The following INPP4B variants were observed in gnomAD, a reference collection of about 807,000 sequenced individuals.
INPP4B encodes the protein inositol polyphosphate 4-phosphatase type II.
In INPP4B, 55 loss-of-function variants were observed where a neutral mutation model predicts 122.5. The ratio of observed to expected loss-of-function variants is 0.45; its 90% CI spans 0.36 to 0.56. INPP4B has a LOEUF of 0.56. Among genes scored for constraint, INPP4B ranks in the 20% least tolerant of loss-of-function variants. The probability of loss-of-function intolerance (pLI) is 0.00; values close to 1 mark genes in which losing one functional copy is unlikely to be tolerated. For missense variants in INPP4B, 1,000 were observed against 1,097.7 expected (o/e 0.91, Z 1.26); for synonymous variants, 403 against 388.7 (o/e 1.04, Z -0.43).
At chr4:142,427,435 A>G in intron 5 of INPP4B, 1 of 649,414 alleles carries the variant, frequency 1.5e-6, no homozygotes, top group Non-Finnish European at 2.8e-6. Flanking sequence ...ATTATTATGA[A>G]TAAATTCTTG....
chr4:142,788,461 T>G (rs1319970882), intron 1 of INPP4B, among the ~76,000 whole-genome samples: 4 of 152,052 alleles, frequency 2.6e-5, no homozygotes, highest in African/African-American at 9.7e-5. Flanking sequence ...CTAGAAACGT[T>G]TTTATTGAAA....
At chr4:142,765,621 G>T (rs1771998760) in intron 1 of INPP4B, among the ~76,000 whole-genome samples, 1 of 152,106 alleles carries the variant, frequency 6.6e-6, no homozygotes, top group Non-Finnish European at 1.5e-5. Context: ...AACTGACTTT[G>T]GATAGATCCA....
intron 12 of INPP4B, among the ~76,000 whole-genome samples, chr4:142,217,347 C>T (rs1032984734): frequency 2.6e-5 from 4 of 152,120 alleles, no homozygotes; most frequent in Admixed American, 6.6e-5. Flanking sequence ...TTTGTCCAAC[C>T]GCAGTCTCCT....
intron 2 of INPP4B, among the ~76,000 whole-genome samples, chr4:142,498,130 CATATATGTATACAT>C (rs1560725405): frequency 6.7e-6 from 1 of 149,486 alleles, no homozygotes; most frequent in East Asian, 2.0e-4. Flanking sequence ...TACACACACA[CATATATGTATACAT>C]ACATATGTGT....
intron 16 of INPP4B, among the ~76,000 whole-genome samples, chr4:142,161,413 A>G (rs142139287): frequency 0.012 from 1,770 of 152,126 alleles, 12 homozygotes; most frequent in Non-Finnish European, 0.019. Context: ...CTGTTCAAAG[A>G]GTAGAGATGT....
At chr4:142,213,550 G>C (rs1276087706) in intron 12 of INPP4B, among the ~76,000 whole-genome samples, 1 of 152,082 alleles carries the variant, frequency 6.6e-6, no homozygotes, top group Non-Finnish European at 1.5e-5. Flanking sequence ...ATGTCCACCT[G>C]GTAGTAGAAA....
chr4:142,272,817 C>G lies in INPP4B; in HGVS notation c.504-2043G>C, dbSNP rs1291850516. On this transcript the variant is annotated intron_variant, in intron 9 of 25. Transcript: ENST00000262992. ...TAATTTTATAGATATTTGCAGATTT[C>G]TTTTTCATCAAAACTGCTTATCTAT... 3.3e-5 allele frequency among the ~76,000 whole-genome samples: 5 copies of G among 151,990 alleles called. No individual in the cohort carries two copies. In the East Asian group the frequency reaches 9.6e-4, roughly 29 times the overall value.
At chr4:142,145,727 C>T in intron 18 of INPP4B, 113 bp downstream of exon 18, 2 of 992,148 alleles carry the variant, frequency 2.0e-6, no homozygotes, top group South Asian at 1.6e-5. Flanking sequence ...AGCATGCTAT[C>T]AGCACTCTCA....
rs1366454943 is a variant in INPP4B at position 142,209,163 on chromosome 4, T to G, written c.837-137A>C. On this transcript the variant is annotated intron_variant, in intron 12 of 25. Transcript: ENST00000262992. ...GGAAAGTTCTATGAGCTTATTAGCT[T>G]AAATATTTTTTAAAAATTATTTTAG... 1.2e-5 allele frequency: 6 copies of G among 484,634 alleles called. No homozygotes were observed. The East Asian group carries it at 1.7e-4, about 14-fold the overall frequency. 30.0% of individuals were successfully genotyped at this position (484,634 alleles called of 1,614,324 possible).
At chr4:142,274,450 A>G (rs867771555) in intron 9 of INPP4B, among the ~76,000 whole-genome samples, 9 of 151,840 alleles carry the variant, frequency 5.9e-5, no homozygotes, top group African/African-American at 1.7e-4. Flanking sequence ...ATATGGACTC[A>G]ACAAAAATCT....
rs186696307 is a variant in INPP4B at position 142,721,540 on chromosome 4, A to T, written c.-191+4299T>A. 6.9e-4 allele frequency among the ~76,000 whole-genome samples: 105 copies of T among 152,286 alleles called. No homozygotes were observed. In the Middle Eastern group the frequency reaches 0.017, roughly 25 times the overall value. ...TTATTCTTATTAAAACGATGTCATA[A>T]GGCCGGGCGCTGTGGCTCACGCCTG... On this transcript the variant is annotated intron_variant, in intron 2 of 25. Coordinates refer to ENST00000262992, the MANE Select transcript of INPP4B (RefSeq NM_001101669.3).
At chr4:142,797,908 G>A (rs2151082504) in intron 1 of INPP4B, among the ~76,000 whole-genome samples, 1 of 151,778 alleles carries the variant, frequency 6.6e-6, no homozygotes, top group East Asian at 1.9e-4. Context: ...AAACAAGAAT[G>A]GAAATCAAGA....
chr4:142,782,646 T>TG (rs1775058918), intron 1 of INPP4B, among the ~76,000 whole-genome samples: 1 of 151,892 alleles, frequency 6.6e-6, no homozygotes. Flanking sequence ...CAGCACCTGT[T>TG]GTTTCCTGAC....
At chr4:142,779,741 A>G (rs1248010482) in intron 1 of INPP4B, among the ~76,000 whole-genome samples, 3 of 152,188 alleles carry the variant, frequency 2.0e-5, no homozygotes, top group African/African-American at 7.2e-5. Flanking sequence ...ATTTGATTGT[A>G]ACAAAATAAA....
At chr4:142,576,362 G>A (rs1733838702) in intron 2 of INPP4B, among the ~76,000 whole-genome samples, 1 of 151,844 alleles carries the variant, frequency 6.6e-6, no homozygotes, top group African/African-American at 2.4e-5. Flanking sequence ...ATAAAAAGTT[G>A]CCTTTTACCT....
At chr4:142,313,316 C>T (rs564662510) in intron 8 of INPP4B, among the ~76,000 whole-genome samples, 1 of 152,256 alleles carries the variant, frequency 6.6e-6, no homozygotes, top group South Asian at 2.1e-4. Flanking sequence ...AAAAATTAAA[C>T]CAGCTAAGCT....
At chr4:142,606,566 C>G (rs1408924680) in intron 2 of INPP4B, among the ~76,000 whole-genome samples, 1 of 151,814 alleles carries the variant, frequency 6.6e-6, no homozygotes. Context: ...AAAAAAGAAG[C>G]ATTAAACAAT....
chr4:142,283,052 G>T (rs972034590), intron 9 of INPP4B, among the ~76,000 whole-genome samples: 1 of 152,048 alleles, frequency 6.6e-6, no homozygotes, highest in African/African-American at 2.4e-5. Flanking sequence ...TAAACTGTAG[G>T]GGGCAGAGAG....
chr4:142,240,021 T>C (rs1192415853), intron 11 of INPP4B, among the ~76,000 whole-genome samples: 1 of 151,794 alleles, frequency 6.6e-6, no homozygotes, highest in Non-Finnish European at 1.5e-5. Context: ...ATAAAAGTCT[T>C]CCTTTGTTGA....
Sources: allele counts gnomAD v4.1 joint callset (sites outside exome capture counted in the v4.1 genomes callset), GRCh38; gene constraint gnomAD v4.1.1; transcripts MANE v1.5; gene names NCBI Gene and HGNC (gene_info 2026-07-23, HGNC 2026-07-21).